Variants in WAPL observed in about 807,000 individuals in gnomAD.
WAPL encodes the protein WAPL cohesin release factor, also known as wings apart-like protein homolog.
A neutral mutation model predicts 121.0 loss-of-function variants in WAPL; 5 were observed. That is an observed-to-expected ratio of 0.04 (90% CI 0.02 to 0.09). WAPL has a LOEUF of 0.09. WAPL is among the 10% of genes least tolerant of loss of function. The pLI is 1.00. For synonymous variants in WAPL, 480 were observed against 481.5 expected, an observed-to-expected ratio of 1.00 and a Z score of 0.04; for missense variants, 999 against 1,410.8, an observed-to-expected ratio of 0.71 and a Z score of 4.68.
chr10:86,500,524 T>C lies in WAPL; in HGVS notation c.719A>G (p.Asp240Gly), dbSNP rs780227125. The C allele has an allele frequency of 2.5e-5, 40 of 1,614,048 alleles. No individual in the cohort carries two copies. Among genetic ancestry groups the C allele is most frequent in the Non-Finnish European group, 3.2e-5 (38 of 1,180,040 alleles). Residue 240 changes from aspartate (D) to glycine (G), a missense_variant, in exon 3 of 19, where the codon GAT (aspartate) becomes GGT (glycine). By Grantham distance (94) the Asp-to-Gly change is moderately conservative. This residue lies in a region of WAPL where 531 missense variants were observed against 563.1 expected (regional missense o/e 0.94). Transcript: ENST00000298767. ...TGATCTGATATCTTCAAAATCATTATCCCATTCAAACAAACCAGTTCTAAC... is the reference window on the plus strand; with the variant it reads ...TGATCTGATATCTTCAAAATCATTACCCCATTCAAACAAACCAGTTCTAAC... Reference protein sequence around the residue: ...GSVRTGLFEWDNDFEDIRSED... With the variant: ...GSVRTGLFEWGNDFEDIRSED...
intron 4 of WAPL, among the ~76,000 whole-genome samples, chr10:86,474,456 G>C (rs1192691509): frequency 6.6e-6 from 1 of 150,658 alleles, no homozygotes; most frequent in Non-Finnish European, 1.5e-5. Flanking sequence ...AGAGGTTGCA[G>C]TGAGCTAAGA....
intron 2 of WAPL, among the ~76,000 whole-genome samples, chr10:86,507,205 C>CA (rs1412108906): frequency 1.3e-5 from 2 of 150,718 alleles, no homozygotes; most frequent in South Asian, 2.1e-4. Context: ...CCGTCTCTAC[C>CA]AAAAATACAA....
intron 12 of WAPL, among the ~76,000 whole-genome samples, chr10:86,454,725 GGCCGCCCA>G (rs1564565676): frequency 6.6e-6 from 1 of 150,744 alleles, no homozygotes; most frequent in Non-Finnish European, 1.5e-5. Flanking sequence ...CCCTCTGCCC[GGCCGCCCA>G]GCCTGGGAAG....
intron 1 of WAPL, 149 bp from the exon 2 acceptor site, chr10:86,518,240 AAAG>A: frequency 1.3e-6 from 1 of 774,710 alleles, no homozygotes; most frequent in East Asian, 2.7e-5. Flanking sequence ...GAAGGGGTAT[AAAG>A]AAAGGCTGAT....
At chr10:86,474,344 T>C (rs780364628) in intron 4 of WAPL, among the ~76,000 whole-genome samples, 1 of 151,348 alleles carries the variant, frequency 6.6e-6, no homozygotes, top group Non-Finnish European at 1.5e-5. Flanking sequence ...TGAAACCCCA[T>C]CTCTACTAAA....
chr10:86,496,080 C>T (rs1350950654), intron 4 of WAPL, among the ~76,000 whole-genome samples: 3 of 152,200 alleles, frequency 2.0e-5, no homozygotes, highest in Non-Finnish European at 4.4e-5. Context: ...TGCTACCGCA[C>T]TCCAGCCTGG....
At chr10:86,460,326 G>C in intron 11 of WAPL, 73 bp downstream of exon 11, 1 of 1,173,996 alleles carries the variant, frequency 8.5e-7, no homozygotes, top group Non-Finnish European at 1.3e-6. Context: ...TAAAATATTT[G>C]GCAGTCTCTC....
intron 2 of WAPL, among the ~76,000 whole-genome samples, chr10:86,504,105 CA>C (rs548879969): frequency 2.0e-3 from 301 of 152,182 alleles, no homozygotes; most frequent in African/African-American, 5.7e-3. Flanking sequence ...ACCCAGGAGG[CA>C]GAGGTTGTAG....
At chr10:86,487,614 G>A (rs1027058961) in intron 4 of WAPL, among the ~76,000 whole-genome samples, 2 of 152,176 alleles carry the variant, frequency 1.3e-5, no homozygotes, top group Non-Finnish European at 2.9e-5. Context: ...TTCTGGGCCA[G>A]GTGTGGTGGC....
chr10:86,440,194 G>A (rs1054573717), intron 17 of WAPL, among the ~76,000 whole-genome samples: 2 of 152,052 alleles, frequency 1.3e-5, no homozygotes, highest in South Asian at 2.1e-4. Context: ...TTTCAAGAAC[G>A]ATTATGTAAG....
intron 4 of WAPL, among the ~76,000 whole-genome samples, chr10:86,481,399 G>A (rs936310888): frequency 6.6e-5 from 10 of 151,952 alleles, no homozygotes; most frequent in East Asian, 1.9e-4. Flanking sequence ...TTGAGACAGC[G>A]TTTCGCTCTT....
At position 86,505,787 on chromosome 10, in the gene WAPL, A is replaced by G. The variant is rs115484375; in HGVS notation, c.500-5044T>C. 9.4e-3 allele frequency among the ~76,000 whole-genome samples: 1,425 copies of G among 152,308 alleles called. 29 individuals are homozygous for G. The highest frequency in any genetic ancestry group is 0.032 in the African/African-American group (1,326 of 41,562). ...AAGTAGGATAGAAATACAATTTCAA[A>G]AAGAACAAGGAACACTATATTCTGG... is the stretch of plus-strand genomic sequence containing the variant. On this transcript the variant is annotated intron_variant, in intron 2 of 18. Coordinates refer to ENST00000298767, the MANE Select transcript of WAPL (RefSeq NM_015045.5).
intron 9 of WAPL, among the ~76,000 whole-genome samples, chr10:86,465,525 G>C (rs190359025): frequency 1.3e-5 from 2 of 152,244 alleles, no homozygotes; most frequent in East Asian, 3.9e-4. Flanking sequence ...ATTAACATCT[G>C]TTCTGGGAAA....
intron 15 of WAPL, among the ~76,000 whole-genome samples, chr10:86,449,456 AAAAG>A (rs1298430826): frequency 1.3e-5 from 2 of 152,272 alleles, no homozygotes; most frequent in African/African-American, 2.4e-5. Flanking sequence ...CATAGCAGAT[AAAAG>A]AAAGACAGAG....
At chr10:86,496,590 G>A (rs1351044799) in intron 4 of WAPL, among the ~76,000 whole-genome samples, 1 of 152,114 alleles carries the variant, frequency 6.6e-6, no homozygotes, top group Non-Finnish European at 1.5e-5. Flanking sequence ...AGGCATGGAG[G>A]TGTGGTGGTG....
chr10:86,448,378 G>C (rs1840888669), intron 15 of WAPL, among the ~76,000 whole-genome samples: 1 of 152,148 alleles, frequency 6.6e-6, no homozygotes, highest in Non-Finnish European at 1.5e-5. Context: ...CTGAGCCTGG[G>C]AGGTAAAGGC....
chr10:86,453,906 C>G (rs1375356446), intron 12 of WAPL, 75 bp from the exon 13 acceptor site: 19 of 1,227,086 alleles, frequency 1.5e-5, no homozygotes. Flanking sequence ...TTACTTGAAC[C>G]TAAAGGCTAT....
At chr10:86,485,464 GA>G (rs1841911393) in intron 4 of WAPL, among the ~76,000 whole-genome samples, 1 of 152,096 alleles carries the variant, frequency 6.6e-6, no homozygotes, top group African/African-American at 2.4e-5. Flanking sequence ...TTGAACCCAA[GA>G]GACAGAGATT....
intron 4 of WAPL, among the ~76,000 whole-genome samples, chr10:86,491,315 G>A (rs987594420): frequency 1.3e-5 from 2 of 150,968 alleles, no homozygotes; most frequent in Admixed American, 1.3e-4. Flanking sequence ...AATTTTTTGT[G>A]TTTTTAGTAG....
Sources: allele counts gnomAD v4.1 joint callset (sites outside exome capture counted in the v4.1 genomes callset), GRCh38; gene constraint gnomAD v4.1.1; regional missense constraint gnomAD v4.1.1; transcripts MANE v1.5; gene names NCBI Gene and HGNC (gene_info 2026-07-23, HGNC 2026-07-21).